ANO5: variants seen among roughly 807,000 people sequenced by gnomAD.
The protein encoded by ANO5 is anoctamin-5.
ANO5 carries 109 observed loss-of-function variants against 121.0 expected under a neutral mutation model. The observed-to-expected ratio is 0.90, with a 90% confidence interval of 0.77 to 1.06. The LOEUF is 1.06. Among genes scored for constraint, ANO5 ranks in the 50% least tolerant of loss-of-function variants. ANO5 has a pLI of 0.00. For missense variants in ANO5, 1,064 were observed against 1,078.5 expected (o/e 0.99, Z 0.19); for synonymous variants, 406 against 359.9 (o/e 1.13, Z -1.45).
At chr11:22,250,428 AGTT>A (rs1266195409) in intron 10 of ANO5, 57 bp downstream of exon 10, 7 of 1,599,056 alleles carry the variant, frequency 4.4e-6, no homozygotes, top group Non-Finnish European at 5.1e-6. Flanking sequence ...TGCCAAATGA[AGTT>A]GTTGTTATTA....
intron 16 of ANO5, among the ~76,000 whole-genome samples, chr11:22,262,531 A>G (rs1854223718): frequency 6.6e-6 from 1 of 152,228 alleles, no homozygotes; most frequent in East Asian, 1.9e-4. Context: ...AATATGAAAT[A>G]TAAAATGACA....
chr11:22,192,915 G>C, upstream of ANO5: 3 of 935,250 alleles, frequency 3.2e-6, no homozygotes, highest in Non-Finnish European at 3.8e-6. Flanking sequence ...CCTGGGGACG[G>C]CTTGAGCGGA....
intron 17 of ANO5, among the ~76,000 whole-genome samples, chr11:22,265,906 T>A (rs1276709680): frequency 1.3e-5 from 2 of 152,178 alleles, no homozygotes; most frequent in Non-Finnish European, 2.9e-5. Flanking sequence ...ACTAATGGAA[T>A]GGAGTAGAGA....
At chr11:22,228,775 G>A (rs887541969) in intron 7 of ANO5, among the ~76,000 whole-genome samples, 3 of 151,678 alleles carry the variant, frequency 2.0e-5, no homozygotes, top group Non-Finnish European at 4.4e-5. Context: ...TGTCCTCTAG[G>A]TTCATATTGT....
chr11:22,283,077 A>T lies in ANO5; in HGVS notation c.*3312A>T, dbSNP rs1022461744. ...TCAGCATTATGTGAAAAATGATAAG[A>T]ATGTTAAAAAGAAAATAATAGTGTG... On this transcript the variant is annotated 3_prime_UTR_variant, in exon 22 of 22. Coordinates refer to ENST00000324559, the MANE Select transcript of ANO5 (RefSeq NM_213599.3). 6 of 152,220 alleles carry T rather than the reference A, an allele frequency of 3.9e-5. No individual in the cohort carries two copies. The highest frequency in any genetic ancestry group is 1.4e-4 in the African/African-American group (6 of 41,452). 9.4% of individuals were successfully genotyped at this position (152,220 alleles called of 1,614,324 possible).
At chr11:22,220,369 A>G (rs1457646682) in intron 4 of ANO5, among the ~76,000 whole-genome samples, 1 of 152,036 alleles carries the variant, frequency 6.6e-6, no homozygotes, top group Non-Finnish European at 1.5e-5. Context: ...CTTTCTTCTG[A>G]AGCTCTCTCA....
intron 3 of ANO5, among the ~76,000 whole-genome samples, chr11:22,211,553 C>G (rs1852277430): frequency 1.3e-5 from 2 of 151,784 alleles, no homozygotes; most frequent in South Asian, 4.2e-4. Context: ...TTTATTTTTT[C>G]TATGAGAAAA....
rs267602823 is a variant in ANO5 at position 22,262,244 on chromosome 11, C to T, written c.1746C>T (p.Phe582=). 6 of 1,613,756 alleles carry T rather than the reference C, an allele frequency of 3.7e-6. No homozygotes were observed. The highest frequency in any genetic ancestry group is 5.1e-6 in the Non-Finnish European group (6 of 1,179,902). The change falls in exon 16 of 22, where the codon TTC becomes TTT. Residue 582 remains phenylalanine (F), a synonymous_variant. Coordinates refer to ENST00000324559, the MANE Select transcript of ANO5 (RefSeq NM_213599.3). The part of the protein sequence containing the change: ...CFYVAFFKGK[F]VGYPGKYTYL... ...ACGTAGCTTTCTTTAAAGGGAAGTT[C>T]GTAGGCTATCCTGGAAAATACACAT...
chr11:22,278,798 T>C (rs1234298829), intron 21 of ANO5, among the ~76,000 whole-genome samples: 2 of 151,810 alleles, frequency 1.3e-5, no homozygotes, highest in African/African-American at 4.8e-5. Flanking sequence ...TTGAGATATT[T>C]TGTGGCTACC....
intron 3 of ANO5, among the ~76,000 whole-genome samples, chr11:22,213,672 A>G (rs1231120479): frequency 6.6e-6 from 1 of 150,588 alleles, no homozygotes; most frequent in Non-Finnish European, 1.5e-5. Context: ...GAAAGTCACT[A>G]TTTGCAGCCT....
At chr11:22,201,097 A>T (rs975479837) in intron 1 of ANO5, among the ~76,000 whole-genome samples, 1 of 152,194 alleles carries the variant, frequency 6.6e-6, no homozygotes, top group African/African-American at 2.4e-5. Context: ...ATACAAAGGA[A>T]ATGCCATGTA....
intron 20 of ANO5, 118 bp from the exon 21 acceptor site, chr11:22,275,976 G>A: frequency 2.8e-6 from 2 of 720,820 alleles, no homozygotes; most frequent in Non-Finnish European, 4.8e-6. Flanking sequence ...ACTTTGACCT[G>A]ATTTTTCTGA....
chr11:22,194,228 T>C (rs927228421), intron 1 of ANO5, among the ~76,000 whole-genome samples: 3 of 152,206 alleles, frequency 2.0e-5, no homozygotes, highest in African/African-American at 4.8e-5. Context: ...TTTTAATACA[T>C]GTATTTTCCT....
chr11:22,255,606 T>A (rs1853977442), intron 13 of ANO5, 84 bp downstream of exon 13: 1 of 1,534,078 alleles, frequency 6.5e-7, no homozygotes, highest in South Asian at 1.1e-5. Flanking sequence ...ATAGTTTATT[T>A]TGCCTTTAAA....
rs575008893 is a variant in ANO5, at chr11:22,234,249, T to A, written c.649-1914T>A. Among the ~76,000 whole-genome samples, 5 of 152,258 alleles carry A rather than the reference T, an allele frequency of 3.3e-5. No individual in the cohort carries two copies. The South Asian group carries it at 8.3e-4, about 25-fold the overall frequency. On this transcript the variant is annotated intron_variant, in intron 7 of 21. Coordinates refer to ENST00000324559, the MANE Select transcript of ANO5 (RefSeq NM_213599.3). ...CTCTTCAATTAGGACATGAACAAGG[T>A]GAATTTTTTCCTTGCAAATTGATGT... is the stretch of plus-strand genomic sequence containing the variant.
At chr11:22,248,272 A>C (rs963497284) in intron 9 of ANO5, among the ~76,000 whole-genome samples, 3 of 152,062 alleles carry the variant, frequency 2.0e-5, no homozygotes, top group Admixed American at 2.0e-4. Context: ...AGATCAGTTG[A>C]AAGTCTAATA....
intron 20 of ANO5, among the ~76,000 whole-genome samples, chr11:22,275,621 A>G (rs1854811308): frequency 6.6e-6 from 1 of 151,896 alleles, no homozygotes; most frequent in Non-Finnish European, 1.5e-5. Context: ...TTGTGTTAAG[A>G]AAAACAAAGC....
intron 3 of ANO5, among the ~76,000 whole-genome samples, chr11:22,216,744 T>C (rs1564917303): frequency 1.3e-5 from 2 of 151,940 alleles, no homozygotes; most frequent in South Asian, 4.1e-4. Flanking sequence ...TTATGTTCTA[T>C]TTAAGAAATA....
At chr11:22,233,485 G>A (rs1853111932) in intron 7 of ANO5, among the ~76,000 whole-genome samples, 1 of 152,000 alleles carries the variant, frequency 6.6e-6, no homozygotes, top group African/African-American at 2.4e-5. Flanking sequence ...CAGCCATTTA[G>A]TCTTTCCCTG....
Sources: allele counts gnomAD v4.1 joint callset (sites outside exome capture counted in the v4.1 genomes callset), GRCh38; gene constraint gnomAD v4.1.1; transcripts MANE v1.5; gene names NCBI Gene and HGNC (gene_info 2026-07-23, HGNC 2026-07-21).